The following SAMD3 variants were observed in gnomAD, a reference collection of about 807,000 sequenced individuals.
SAMD3 encodes the protein sterile alpha motif domain containing 3, also known as sterile alpha motif domain-containing protein 3.
Under a neutral mutation model 58.5 loss-of-function variants are expected in SAMD3, and 63 were observed. The ratio of observed to expected loss-of-function variants is 1.08; its 90% CI spans 0.88 to 1.33. The LOEUF is 1.33. SAMD3 is among the 40% of genes most tolerant of loss of function. The pLI is 0.00. For missense variants in SAMD3, 604 were observed against 608.4 expected, an observed-to-expected ratio of 0.99 and a Z score of 0.08; for synonymous variants, 220 against 210.3, an observed-to-expected ratio of 1.05 and a Z score of -0.40.
rs370760671 is a variant in SAMD3, at chr6:130,264,870, G to T, written c.-187-42057C>A. Among the ~76,000 whole-genome samples the T allele has an allele frequency of 3.0e-4, 45 of 151,996 alleles. No homozygotes were observed. In the East Asian group the frequency reaches 8.1e-3, roughly 27 times the overall value. ...CTATGTGTCAGAAAAAAAAAAAATGGCAGTTGGAGTTTTAACCCAGACTGT... is the reference window on the plus strand; with the variant it reads ...CTATGTGTCAGAAAAAAAAAAAATGTCAGTTGGAGTTTTAACCCAGACTGT... On this transcript the variant is annotated intron_variant, in intron 2 of 13. Coordinates refer to the SAMD3 transcript ENST00000368134.
At chr6:130,214,616 G>A (rs950789032) in intron 3 of SAMD3, 90 bp from the exon 4 acceptor site, 2 of 866,322 alleles carry the variant, frequency 2.3e-6, no homozygotes, top group African/African-American at 1.7e-5. Flanking sequence ...AGTGATAAAA[G>A]GATCATCTAA....
At chr6:130,252,362 GCTTTCCTTTA>G (rs1332247010) in intron 2 of SAMD3, among the ~76,000 whole-genome samples, 2 of 149,394 alleles carry the variant, frequency 1.3e-5, no homozygotes, top group Non-Finnish European at 3.0e-5. Context: ...AACAGTCTTT[GCTTTCCTTTA>G]CATCTCATTT....
At chr6:130,301,504 G>T (rs147994599) in intron 2 of SAMD3, among the ~76,000 whole-genome samples, 1 of 152,024 alleles carries the variant, frequency 6.6e-6, no homozygotes, top group Non-Finnish European at 1.5e-5. Context: ...TGACCATACT[G>T]CCCAAAGCAA....
At chr6:130,288,184 A>G (rs1775230051) in intron 2 of SAMD3, among the ~76,000 whole-genome samples, 1 of 152,210 alleles carries the variant, frequency 6.6e-6, no homozygotes, top group Admixed American at 6.5e-5. Flanking sequence ...CTATATAGAG[A>G]AAGACAGAGA....
chr6:130,343,999 C>A (rs1396078088), intron 1 of SAMD3, among the ~76,000 whole-genome samples: 1 of 151,562 alleles, frequency 6.6e-6, no homozygotes, highest in Non-Finnish European at 1.5e-5. Flanking sequence ...CAAGGACACC[C>A]CTTTTACCTC....
intron 2 of SAMD3, among the ~76,000 whole-genome samples, chr6:130,276,775 T>TC (rs1429144226): frequency 6.6e-6 from 1 of 152,120 alleles, no homozygotes; most frequent in Non-Finnish European, 1.5e-5. Flanking sequence ...AATTCATTAC[T>TC]CATATCAGCT....
intron 1 of SAMD3, among the ~76,000 whole-genome samples, chr6:130,344,627 C>T (rs1777383681): frequency 6.6e-6 from 1 of 151,972 alleles, no homozygotes; most frequent in Non-Finnish European, 1.5e-5. Flanking sequence ...AGTGACCTAC[C>T]CATCTCAGCC....
In SAMD3 at chr6:130,245,460, A is replaced by G. The variant is rs151037518; in HGVS notation, c.-187-22647T>C. ...TCTCTCACAGCTTCCATGTGTTGACACTCTCAATTCAGACTTACACTGGAC... is the reference window on the plus strand; with the variant it reads ...TCTCTCACAGCTTCCATGTGTTGACGCTCTCAATTCAGACTTACACTGGAC... On this transcript the variant is annotated intron_variant, in intron 2 of 13. Coordinates refer to the SAMD3 transcript ENST00000368134. 2.4e-4 allele frequency among the ~76,000 whole-genome samples: 37 copies of G among 152,280 alleles called. No individual in the cohort carries two copies. The East Asian group carries it at 6.2e-3, about 25-fold the overall frequency.
intron 2 of SAMD3, chr6:130,215,521 C>G: frequency 7.5e-7 from 1 of 1,331,798 alleles, no homozygotes; most frequent in Admixed American, 3.6e-5. Context: ...TCCCATTTCT[C>G]AAATTTCTTC....
intron 7 of SAMD3, among the ~76,000 whole-genome samples, chr6:130,178,428 G>C (rs184598231): frequency 1.3e-5 from 2 of 151,414 alleles, no homozygotes; most frequent in Admixed American, 6.6e-5. Flanking sequence ...TGTTTCCCTC[G>C]AGCCCTGGCC....
At chr6:130,345,885 G>C (rs1485013822) in intron 1 of SAMD3, among the ~76,000 whole-genome samples, 2 of 152,194 alleles carry the variant, frequency 1.3e-5, no homozygotes, top group Non-Finnish European at 2.9e-5. Flanking sequence ...GTGTCATTGT[G>C]CCTGTTCCCA....
chr6:130,264,123 G>A (rs1037069383), intron 2 of SAMD3, among the ~76,000 whole-genome samples: 5 of 152,306 alleles, frequency 3.3e-5, no homozygotes, highest in Admixed American at 3.3e-4. Flanking sequence ...GCAGGCCAGA[G>A]GCCCAGATTG....
chr6:130,332,793 CTGTT>C (rs983475424), intron 1 of SAMD3, among the ~76,000 whole-genome samples: 32 of 152,182 alleles, frequency 2.1e-4, no homozygotes, highest in African/African-American at 7.7e-4. Flanking sequence ...TCCCGAGAGG[CTGTT>C]TGTGGTTGTT....
chr6:130,204,545 T>G (rs1003619026), intron 5 of SAMD3, among the ~76,000 whole-genome samples: 4 of 147,802 alleles, frequency 2.7e-5, no homozygotes, highest in Admixed American at 2.1e-4. Flanking sequence ...TGCAATGAGC[T>G]GAGATAGCGC....
chr6:130,357,314 C>A (rs1466757783), intron 1 of SAMD3, among the ~76,000 whole-genome samples: 1 of 151,864 alleles, frequency 6.6e-6, no homozygotes, highest in Non-Finnish European at 1.5e-5. Context: ...TTAGTAGAGA[C>A]GGGGTTTCAC....
chr6:130,232,172 C>A (rs1223420009), intron 2 of SAMD3, among the ~76,000 whole-genome samples: 1 of 152,058 alleles, frequency 6.6e-6, no homozygotes, highest in African/African-American at 2.4e-5. Context: ...GCCTTTTTGT[C>A]CACTGTCTGG....
intron 2 of SAMD3, among the ~76,000 whole-genome samples, chr6:130,260,041 G>T (rs575595307): frequency 6.6e-6 from 1 of 152,232 alleles, no homozygotes; most frequent in South Asian, 2.1e-4. Context: ...TTGAACTATT[G>T]AGTTCTTAGA....
chr6:130,346,068 T>A (rs1291582809), intron 1 of SAMD3, among the ~76,000 whole-genome samples: 1 of 152,186 alleles, frequency 6.6e-6, no homozygotes, highest in African/African-American at 2.4e-5. Flanking sequence ...AAAACTTGAT[T>A]AAAAATTAAT....
chr6:130,220,862 C>CT (rs879492670), intron 1 of SAMD3, among the ~76,000 whole-genome samples: 2,071 of 146,040 alleles, frequency 0.014, 34 homozygotes, highest in African/African-American at 0.046. Flanking sequence ...CTGAAAATAT[C>CT]TTTTTTTTTT....
Sources: gnomAD v4.1 joint callset for allele counts (sites outside exome capture counted in the v4.1 genomes callset) on GRCh38, gnomAD v4.1.1 for gene constraint, MANE v1.5 for transcripts, NCBI Gene and HGNC (gene_info 2026-07-23, HGNC 2026-07-21) for gene names.